NTRK1: variants seen among roughly 807,000 people sequenced by gnomAD.
The protein encoded by NTRK1 is neurotrophic receptor tyrosine kinase 1, also known as high affinity nerve growth factor receptor.
In NTRK1, 62 loss-of-function variants were observed where a neutral mutation model predicts 86.8. The observed-to-expected ratio is 0.71, with a 90% CI of 0.58 to 0.88. The LOEUF is 0.88. NTRK1 is among the 40% of genes least tolerant of loss of function. NTRK1 has a pLI of 0.00. For missense variants in NTRK1, 967 were observed against 1,078.4 expected (o/e 0.90, Z 1.45); for synonymous variants, 469 against 456.6 (o/e 1.03, Z -0.35).
At chr1:156,852,748 G>A (rs1030932351) in intron 2 of NTRK1, among the ~76,000 whole-genome samples, 17 of 152,370 alleles carry the variant, frequency 1.1e-4, no homozygotes, top group African/African-American at 4.1e-4. Flanking sequence ...TAGCTGGCTG[G>A]CTATGGGAGC....
In NTRK1 at chr1:156,868,096, C is replaced by T. The variant is rs2102892513; in HGVS notation, c.429-8C>T. On this transcript the variant is annotated splice_region_variant and splice_polypyrimidine_tract_variant and intron_variant, in intron 4 of 16. Coordinates refer to ENST00000524377, the MANE Select transcript of NTRK1 (RefSeq NM_002529.4). ...CTTGACTCTGTTGGTGTCCCCCATG[C>T]CCCCCAGGGTCCTGTCGGGGAACCC... The T allele has an allele frequency of 2.5e-6, 4 of 1,613,436 alleles. No individual in the cohort carries two copies. The highest frequency in any genetic ancestry group is 1.3e-5 in the African/African-American group (1 of 75,032).
chr1:156,849,137 C>A, intron 2 of NTRK1: 1 of 1,598,352 alleles, frequency 6.3e-7, no homozygotes, highest in Non-Finnish European at 8.5e-7. Context: ...CCCAGTGAGA[C>A]CTCTGAGGAG....
chr1:156,837,422 T>G (rs545525276), intron 1 of NTRK1, among the ~76,000 whole-genome samples: 169 of 152,322 alleles, frequency 1.1e-3, no homozygotes, highest in Middle Eastern at 0.01. Context: ...GCCACCCTAG[T>G]GATCACTTAC....
At position 156,860,879 on chromosome 1, in the gene NTRK1, T is replaced by A. The variant is rs1314047288; in HGVS notation, c.-56T>A. On this transcript the variant is annotated 5_prime_UTR_variant, in exon 1 of 17. Coordinates refer to ENST00000524377, the MANE Select transcript of NTRK1 (RefSeq NM_002529.4). The stretch of plus-strand genomic sequence containing the variant: ...CACATGTCGGGGGAGGCCTGGCAGC[T>A]GCAGCTGGGAGCGCACAGACGGCTG... 6 of 1,393,602 alleles carry A rather than the reference T, an allele frequency of 4.3e-6. No individual in the cohort carries two copies. The African/African-American group carries it at 9.2e-5, about 21-fold the overall frequency. The allele number at this position is 1,393,602 out of a possible 1,614,324, so 86.3% of individuals were successfully genotyped here. A position where few individuals can be genotyped will look rare whatever the true frequency, so the allele number is the denominator to read the frequency against.
chr1:156,873,857 T>A lies in NTRK1; in HGVS notation c.1075T>A (p.Tyr359Asn), dbSNP rs1485352616. 1 of 1,606,566 alleles carries A rather than the reference T, an allele frequency of 6.2e-7. No homozygotes were observed. The highest frequency in any genetic ancestry group is 1.1e-5 in the South Asian group (1 of 89,780). ...GCCCACCCACGTCAACAACGGCAACTACACGCTGCTGGCTGCCAACCCCTT... is the reference window on the plus strand; with the variant it reads ...GCCCACCCACGTCAACAACGGCAACAACACGCTGCTGGCTGCCAACCCCTT... ...NQPTHVNNGNYTLLAANPFGQ... is the reference protein window; with the variant it reads ...NQPTHVNNGNNTLLAANPFGQ... Residue 359 changes from tyrosine to asparagine, a missense_variant, in exon 8 of 17, where the codon TAC becomes AAC. Tyr to Asn is a moderately radical substitution (Grantham distance 143). This residue lies in a region of NTRK1 where 637 missense variants were observed against 776.5 expected (regional missense o/e 0.82). Coordinates refer to ENST00000524377, the MANE Select transcript of NTRK1 (RefSeq NM_002529.4).
intron 2 of NTRK1, chr1:156,851,506 G>T: frequency 1.2e-6 from 2 of 1,604,090 alleles, no homozygotes; most frequent in Non-Finnish European, 1.7e-6. Flanking sequence ...GGGGCTGAAT[G>T]GGGGCCCCGG....
upstream of NTRK1, chr1:156,860,738 A>G (rs1028528502): frequency 4.6e-5 from 47 of 1,032,880 alleles, no homozygotes; most frequent in East Asian, 1.5e-3. Flanking sequence ...GGGAGGGGGC[A>G]GAGGGGGGGG....
chr1:156,879,506 G>C (rs1271042254), intron 15 of NTRK1, 144 bp downstream of exon 15: 1 of 1,114,138 alleles, frequency 9.0e-7, no homozygotes, highest in Admixed American at 2.6e-5. Context: ...TACCTCCTCG[G>C]CTCCTGGTGG....
chr1:156,851,541 C>A, intron 2 of NTRK1: 1 of 1,605,500 alleles, frequency 6.2e-7, no homozygotes, highest in African/African-American at 1.3e-5. Flanking sequence ...AGGACTGGGA[C>A]CCAGGATGAT....
upstream of NTRK1, chr1:156,858,773 C>T (rs548392556): frequency 4.0e-5 from 26 of 643,050 alleles, no homozygotes; most frequent in African/African-American, 4.6e-4. Flanking sequence ...ACAGAGACAG[C>T]AGGAGACAGA....
intron 1 of NTRK1, among the ~76,000 whole-genome samples, chr1:156,835,674 T>G (rs1654580737): frequency 6.6e-6 from 1 of 152,232 alleles, no homozygotes; most frequent in Non-Finnish European, 1.5e-5. Context: ...CCTGGCCATC[T>G]TTCCATGTCA....
At chr1:156,869,086 TC>T (rs1332061841) in intron 6 of NTRK1, among the ~76,000 whole-genome samples, 4 of 148,914 alleles carry the variant, frequency 2.7e-5, no homozygotes, top group African/African-American at 7.5e-5. Flanking sequence ...CTTCCTTCCT[TC>T]CTTTTATGGA....
chr1:156,828,093 A>G (rs1459170441), intron 1 of NTRK1, among the ~76,000 whole-genome samples: 5 of 152,216 alleles, frequency 3.3e-5, no homozygotes, highest in East Asian at 3.8e-4. Flanking sequence ...GATTCCAGGC[A>G]TGAGCCACCA....
At chr1:156,851,086 A>G (rs1157321178) in intron 2 of NTRK1, 1 of 661,074 alleles carries the variant, frequency 1.5e-6, no homozygotes, top group African/African-American at 1.8e-5. Flanking sequence ...AGTAATATTC[A>G]AAACAGTCCT....
rs750109571 is a variant in NTRK1, at chr1:156,866,922, C to T, written c.372C>T (p.Phe124=). 1.9e-6 allele frequency: 3 copies of T among 1,614,258 alleles called. No homozygotes were observed. Among genetic ancestry groups the T allele is most frequent in the Non-Finnish European group, 2.5e-6 (3 of 1,180,038 alleles). The change falls in exon 4 of 17, where the codon TTC becomes TTT. Residue 124 remains phenylalanine (F), a synonymous_variant. Coordinates refer to ENST00000524377, the MANE Select transcript of NTRK1 (RefSeq NM_002529.4). ...TCCACGCCCGCAGGAATCTCTCCTT[C>T]AACGCTCTGGAGTCTCTCTCCTGGA... ...TPRLSRLNLS[F]NALESLSWKT...
Position 156,873,664 on chromosome 1 carries a change from G to A in NTRK1, c.882G>A (p.Val294=), listed in dbSNP as rs2102904860. Residue 294 remains valine, a synonymous_variant, in exon 8 of 17, where the codon GTG becomes GTA. Transcript: ENST00000524377. ...FPASVQLHTA[V]EMHHWCIPFS... is the part of the protein sequence containing the mutation. ...CCAGTGTGCAGCTGCACACGGCGGT[G>A]GAGATGCACCACTGGTGCATCCCCT... 1 of 1,610,562 alleles carries A rather than the reference G, an allele frequency of 6.2e-7. No homozygotes were observed. The highest frequency in any genetic ancestry group is 8.5e-7 in the Non-Finnish European group (1 of 1,179,524).
intron 1 of NTRK1, chr1:156,816,759 G>C (rs755345756): frequency 4.8e-5 from 73 of 1,529,168 alleles, no homozygotes; most frequent in Non-Finnish European, 6.1e-5. Flanking sequence ...ATGTGTTCCG[G>C]AAAGGTGTGC....
At chr1:156,864,938 G>C in intron 3 of NTRK1, 139 bp downstream of exon 3, 2 of 826,380 alleles carry the variant, frequency 2.4e-6, no homozygotes, top group Non-Finnish European at 4.0e-6. Flanking sequence ...CATTCTCCTG[G>C]GGCTTCCTCC....
rs143355682 is a variant in NTRK1, at chr1:156,842,443, A to C, written c.50+250A>C. On this transcript the variant is annotated intron_variant, in intron 2 of 16. Transcript: ENST00000392302. ...ATCGAAGATGGCTCTTGAGGTCCCC[A>C]CGGGTCATTAACTCCATGATGACCA... The C allele has an allele frequency of 1.1e-5, 17 of 1,613,928 alleles. No homozygotes were observed. The African/African-American group carries it at 2.3e-4, about 22-fold the overall frequency.
Sources: allele counts gnomAD v4.1 joint callset (sites outside exome capture counted in the v4.1 genomes callset), GRCh38; gene constraint gnomAD v4.1.1; regional missense constraint gnomAD v4.1.1; transcripts MANE v1.5; gene names NCBI Gene and HGNC (gene_info 2026-07-23, HGNC 2026-07-21).